MYO1D: variants seen among roughly 807,000 people sequenced by gnomAD.
The protein encoded by MYO1D is myosin ID, also known as unconventional myosin-Id.
A neutral mutation model predicts 122.0 loss-of-function variants in MYO1D; 83 were observed. The ratio of observed to expected loss-of-function variants is 0.68; its 90% CI spans 0.57 to 0.82. The LOEUF (loss-of-function observed/expected upper bound fraction) is 0.82. MYO1D is among the 40% of genes least tolerant of loss of function. The pLI is 0.00. For synonymous variants in MYO1D, 464 were observed against 446.9 expected, an observed-to-expected ratio of 1.04 and a Z score of -0.48; for missense variants, 1,157 against 1,269.5, an observed-to-expected ratio of 0.91 and a Z score of 1.35.
intron 21 of MYO1D, among the ~76,000 whole-genome samples, chr17:32,527,991 A>G (rs1910397952): frequency 1.3e-5 from 2 of 152,006 alleles, no homozygotes; most frequent in Non-Finnish European, 2.9e-5. Context: ...GGCGCCCGCC[A>G]CCAGGCCTGG....
At chr17:32,643,495 A>G (rs2088235470) in intron 19 of MYO1D, among the ~76,000 whole-genome samples, 1 of 152,178 alleles carries the variant, frequency 6.6e-6, no homozygotes, top group Middle Eastern at 3.2e-3. Flanking sequence ...TTCAGAAGGA[A>G]TGGTACCAGT....
intron 21 of MYO1D, among the ~76,000 whole-genome samples, chr17:32,562,776 T>C (rs928186967): frequency 7.2e-5 from 11 of 152,216 alleles, no homozygotes; most frequent in African/African-American, 2.4e-4. Context: ...ACAGGATATT[T>C]CTTAAAAGGA....
At chr17:32,851,750 TAAGGAGTGTGCACAC>T (rs2090991497) in intron 1 of MYO1D, among the ~76,000 whole-genome samples, 1 of 105,922 alleles carries the variant, frequency 9.4e-6, no homozygotes, top group South Asian at 3.5e-4. Context: ...TGTGCACTCA[TAAGGAGTGTGCACAC>T]GCACAGTTCG....
At chr17:32,820,099 G>A (rs1371551190) in intron 1 of MYO1D, among the ~76,000 whole-genome samples, 1 of 152,152 alleles carries the variant, frequency 6.6e-6, no homozygotes, top group African/African-American at 2.4e-5. Context: ...GGCCATAGAA[G>A]GGTAGTTTCT....
chr17:32,755,695 A>C (rs767280343), intron 10 of MYO1D, 33 bp from the exon 11 acceptor site: 2 of 1,591,704 alleles, frequency 1.3e-6, no homozygotes, highest in South Asian at 2.2e-5. Context: ...AATTCTGAAG[A>C]GAACAGTGAC....
intron 16 of MYO1D, among the ~76,000 whole-genome samples, chr17:32,683,387 C>T (rs2088951684): frequency 6.6e-6 from 1 of 152,310 alleles, no homozygotes; most frequent in African/African-American, 2.4e-5. Flanking sequence ...GTTTTATCTA[C>T]TTTTGGTCTC....
chr17:32,520,730 T>C (rs1442986163), intron 21 of MYO1D, among the ~76,000 whole-genome samples: 1 of 152,226 alleles, frequency 6.6e-6, no homozygotes, highest in Non-Finnish European at 1.5e-5. Context: ...ACGTCCATCC[T>C]AAGAGTCATA....
intron 18 of MYO1D, 133 bp from the exon 19 acceptor site, chr17:32,654,080 T>C (rs920214553): frequency 2.6e-5 from 17 of 665,376 alleles, no homozygotes; most frequent in Middle Eastern, 6.3e-4. Context: ...TCACCCCAGA[T>C]GGTAAGCTAC....
intron 6 of MYO1D, among the ~76,000 whole-genome samples, chr17:32,768,000 G>A (rs1264301027): frequency 6.6e-6 from 1 of 152,188 alleles, no homozygotes; most frequent in Non-Finnish European, 1.5e-5. Context: ...CCTTCAGTGA[G>A]GGAGCAAGTC....
chr17:32,522,972 A>G (rs1327841788), intron 21 of MYO1D, among the ~76,000 whole-genome samples: 1 of 152,100 alleles, frequency 6.6e-6, no homozygotes, highest in Non-Finnish European at 1.5e-5. Context: ...GCCTGCCACC[A>G]TGCCCGGCTA....
chr17:32,748,006 G>A (rs2089855910), intron 12 of MYO1D, among the ~76,000 whole-genome samples: 2 of 152,294 alleles, frequency 1.3e-5, no homozygotes, highest in South Asian at 2.1e-4. Context: ...CAGAGAGAGT[G>A]TGGCCCTGCT....
At chr17:32,784,121 A>G (rs1036187160) in intron 1 of MYO1D, among the ~76,000 whole-genome samples, 1 of 152,236 alleles carries the variant, frequency 6.6e-6, no homozygotes. Context: ...ACTAAGAGTA[A>G]GAGCATACAG....
intron 21 of MYO1D, among the ~76,000 whole-genome samples, chr17:32,563,938 C>G (rs141120906): frequency 2.1e-4 from 32 of 152,334 alleles, no homozygotes; most frequent in Non-Finnish European, 3.7e-4. Flanking sequence ...TCTTGCTGGG[C>G]TAAAGGCTGC....
chr17:32,553,631 C>T (rs57492224), intron 21 of MYO1D, among the ~76,000 whole-genome samples: 1 of 152,080 alleles, frequency 6.6e-6, no homozygotes, highest in Non-Finnish European at 1.5e-5. Context: ...CTTTTTCTCT[C>T]GGCACTGCTG....
chr17:32,572,290 G>A (rs1351176659), intron 21 of MYO1D, among the ~76,000 whole-genome samples: 1 of 151,918 alleles, frequency 6.6e-6, no homozygotes, highest in African/African-American at 2.4e-5. Context: ...TGCTTCCTTT[G>A]TGACATCTCC....
chr17:32,733,452 T>C (rs1238249914), intron 14 of MYO1D, among the ~76,000 whole-genome samples: 1 of 152,202 alleles, frequency 6.6e-6, no homozygotes, highest in Non-Finnish European at 1.5e-5. Context: ...CTTATGATTA[T>C]AAATTCCCAA....
At chr17:32,678,795 A>G (rs1344938508) in intron 16 of MYO1D, among the ~76,000 whole-genome samples, 1 of 150,474 alleles carries the variant, frequency 6.6e-6, no homozygotes, top group Non-Finnish European at 1.5e-5. Context: ...GGCTGGGTCA[A>G]ATGGTATTTC....
intron 20 of MYO1D, among the ~76,000 whole-genome samples, chr17:32,614,849 G>T (rs566260232): frequency 9.9e-5 from 15 of 152,204 alleles, no homozygotes; most frequent in Non-Finnish European, 1.9e-4. Context: ...CTCTCAGAGG[G>T]GTCGTGTGCA....
intron 1 of MYO1D, among the ~76,000 whole-genome samples, chr17:32,852,511 A>G (rs2090997994): frequency 6.6e-6 from 1 of 152,254 alleles, no homozygotes; most frequent in South Asian, 2.1e-4. Context: ...TTGTGATCTT[A>G]GAAAATAATT....
Sources: allele counts gnomAD v4.1 joint callset (sites outside exome capture counted in the v4.1 genomes callset), GRCh38; gene constraint gnomAD v4.1.1; transcripts MANE v1.5; gene names NCBI Gene and HGNC (gene_info 2026-07-23, HGNC 2026-07-21).